The following RNF150 variants were observed in gnomAD, a reference collection of about 807,000 sequenced individuals.
The protein encoded by RNF150 is ring finger protein 150.
RNF150 carries 24 observed loss-of-function variants against 39.3 expected under a neutral mutation model. That is an observed-to-expected ratio of 0.61 (90% CI 0.44 to 0.86). RNF150 has a LOEUF of 0.86. RNF150 is among the 40% of genes least tolerant of loss of function. The probability of loss-of-function intolerance (pLI) is 0.00; values close to 1 mark genes in which losing one functional copy is unlikely to be tolerated. For synonymous variants in RNF150, 255 were observed against 227.3 expected, an observed-to-expected ratio of 1.12 and a Z score of -1.10; for missense variants, 502 against 587.8, an observed-to-expected ratio of 0.85 and a Z score of 1.51.
chr4:141,053,640 C>T (rs781558766), intron 1 of RNF150: 35 of 1,184,190 alleles, frequency 3.0e-5, no homozygotes, highest in South Asian at 2.9e-4. Flanking sequence ...CTGAGTGAAG[C>T]GTGCATTTTA....
chr4:141,167,371 C>G (rs1029559517), intron 1 of RNF150, among the ~76,000 whole-genome samples: 3 of 152,124 alleles, frequency 2.0e-5, no homozygotes, highest in Non-Finnish European at 4.4e-5. Context: ...CCATACTGCC[C>G]AGAGTAATTT....
intron 4 of RNF150, among the ~76,000 whole-genome samples, chr4:140,930,918 G>GGCCGTGGAAAA (rs1234146472): frequency 2.0e-5 from 3 of 151,616 alleles, no homozygotes; most frequent in Admixed American, 6.6e-5. Flanking sequence ...ACAATGGAAA[G>GGCCGTGGAAAA]GTTGCACTCC....
chr4:141,068,744 G>A (rs1737563341), intron 1 of RNF150, among the ~76,000 whole-genome samples: 1 of 133,086 alleles, frequency 7.5e-6, no homozygotes, highest in East Asian at 2.1e-4. Flanking sequence ...TTGAGCAGTG[G>A]TTTGTAGTTC....
At chr4:141,011,698 T>G (rs1489637323) in intron 1 of RNF150, among the ~76,000 whole-genome samples, 1 of 152,220 alleles carries the variant, frequency 6.6e-6, no homozygotes, top group Non-Finnish European at 1.5e-5. Flanking sequence ...TACCAAGACA[T>G]TCAATAAATT....
intron 1 of RNF150, among the ~76,000 whole-genome samples, chr4:141,027,058 C>T (rs1302134999): frequency 6.6e-6 from 1 of 152,172 alleles, no homozygotes; most frequent in Non-Finnish European, 1.5e-5. Flanking sequence ...CTGGTCGATG[C>T]CTTCTCCCAG....
intron 2 of RNF150, among the ~76,000 whole-genome samples, chr4:140,949,576 T>C (rs1732462327): frequency 6.6e-6 from 1 of 152,088 alleles, no homozygotes; most frequent in Admixed American, 6.6e-5. Flanking sequence ...ACTTCTGCCA[T>C]AGAGAGAAGT....
chr4:141,001,954 T>C (rs1460957344), intron 1 of RNF150, among the ~76,000 whole-genome samples: 1 of 152,124 alleles, frequency 6.6e-6, no homozygotes, highest in Non-Finnish European at 1.5e-5. Flanking sequence ...TTAAATTCAC[T>C]CACTTTTACT....
intron 1 of RNF150, among the ~76,000 whole-genome samples, chr4:141,203,747 TGA>T (rs75421380): frequency 0.24 from 35,724 of 151,664 alleles, 4,708 homozygotes; most frequent in East Asian, 0.62. Flanking sequence ...AAAGTCCCCC[TGA>T]GAAGGAAAGG....
At chr4:141,052,083 C>G (rs977928994) in intron 1 of RNF150, among the ~76,000 whole-genome samples, 4 of 152,126 alleles carry the variant, frequency 2.6e-5, no homozygotes, top group African/African-American at 9.7e-5. Flanking sequence ...CATCAGATCT[C>G]ATGAGACTCA....
intron 1 of RNF150, among the ~76,000 whole-genome samples, chr4:140,978,724 T>C (rs1733755315): frequency 6.6e-6 from 1 of 152,154 alleles, no homozygotes; most frequent in Non-Finnish European, 1.5e-5. Flanking sequence ...AATAAGGCAT[T>C]GTATTTAGAG....
chr4:140,949,046 A>C (rs1366230245), intron 3 of RNF150, among the ~76,000 whole-genome samples: 1 of 152,172 alleles, frequency 6.6e-6, no homozygotes, highest in Admixed American at 6.5e-5. Flanking sequence ...TACTAATTTC[A>C]TTCTGGCTTC....
chr4:141,108,314 T>G (rs1158811359), intron 1 of RNF150, among the ~76,000 whole-genome samples: 3 of 152,240 alleles, frequency 2.0e-5, no homozygotes, highest in Admixed American at 6.5e-5. Flanking sequence ...AAATTTTTCT[T>G]CTAGTTTAAT....
intron 1 of RNF150, among the ~76,000 whole-genome samples, chr4:141,195,903 A>G (rs980379353): frequency 1.3e-5 from 2 of 152,164 alleles, no homozygotes; most frequent in Non-Finnish European, 2.9e-5. Flanking sequence ...AAAGATTTCC[A>G]TGTGCAAAGC....
At chr4:141,057,921 C>T (rs1737049696) in intron 1 of RNF150, among the ~76,000 whole-genome samples, 1 of 152,106 alleles carries the variant, frequency 6.6e-6, no homozygotes, top group African/African-American at 2.4e-5. Flanking sequence ...AGGTTTTCTC[C>T]TAATGAAATG....
At chr4:141,176,633 CT>C (rs1727819199) in intron 1 of RNF150, among the ~76,000 whole-genome samples, 1 of 152,156 alleles carries the variant, frequency 6.6e-6, no homozygotes, top group African/African-American at 2.4e-5. Flanking sequence ...ACTTCCTTGT[CT>C]TTTAACTTCA....
chr4:141,075,692 C>T (rs1017060055), intron 1 of RNF150, among the ~76,000 whole-genome samples: 5 of 152,112 alleles, frequency 3.3e-5, no homozygotes, highest in African/African-American at 1.2e-4. Context: ...AAATTTTTTC[C>T]ATTTAGTTTC....
At chr4:140,952,891 G>C (rs184228546) in intron 2 of RNF150, among the ~76,000 whole-genome samples, 1 of 152,170 alleles carries the variant, frequency 6.6e-6, no homozygotes, top group Non-Finnish European at 1.5e-5. Context: ...AGGCGATTTC[G>C]TCACTGTGTG....
intron 5 of RNF150, among the ~76,000 whole-genome samples, chr4:140,920,017 G>A (rs1395864853): frequency 4.3e-4 from 66 of 151,956 alleles, no homozygotes; most frequent in Non-Finnish European, 7.5e-4. Context: ...CCTTCCTTAC[G>A]TCGTATACAA....
intron 1 of RNF150, among the ~76,000 whole-genome samples, chr4:141,067,338 A>T (rs1737500621): frequency 6.6e-6 from 1 of 152,242 alleles, no homozygotes; most frequent in Non-Finnish European, 1.5e-5. Flanking sequence ...AAGCAGAGAA[A>T]GTGCAAATCA....
Sources: gnomAD v4.1 joint callset for allele counts (sites outside exome capture counted in the v4.1 genomes callset) on GRCh38, gnomAD v4.1.1 for gene constraint, MANE v1.5 for transcripts, NCBI Gene and HGNC (gene_info 2026-07-23, HGNC 2026-07-21) for gene names.